Variants in ZNF385D observed in about 807,000 individuals in gnomAD.
ZNF385D encodes the protein zinc finger protein 385D, also known as zinc finger protein 659.
A neutral mutation model predicts 35.8 loss-of-function variants in ZNF385D; 15 were observed. That is an observed-to-expected ratio of 0.42 (90% confidence interval 0.28 to 0.64). The LOEUF (loss-of-function observed/expected upper bound fraction) is 0.64, where lower values mean the gene tolerates loss of function less well. Ranked by LOEUF, ZNF385D falls within the 30% of genes least tolerant of loss-of-function variation. The probability of loss-of-function intolerance (pLI) is 0.23; values close to 1 mark genes in which losing one functional copy is unlikely to be tolerated. For synonymous variants in ZNF385D, 212 were observed against 186.8 expected, an observed-to-expected ratio of 1.13 and a Z score of -1.10; for missense variants, 474 against 494.6, an observed-to-expected ratio of 0.96 and a Z score of 0.39.
At chr3:22,364,455 G>A (rs1696559883) in intron 2 of ZNF385D, among the ~76,000 whole-genome samples, 1 of 151,906 alleles carries the variant, frequency 6.6e-6, no homozygotes, top group Non-Finnish European at 1.5e-5. Context: ...ACTAAATATT[G>A]CTTTAAAGGA....
chr3:21,700,982 C>A (rs1239311246), intron 1 of ZNF385D, among the ~76,000 whole-genome samples: 1 of 152,158 alleles, frequency 6.6e-6, no homozygotes, highest in African/African-American at 2.4e-5. Context: ...TGAGGCTGTC[C>A]TGCATGGACA....
intron 3 of ZNF385D, among the ~76,000 whole-genome samples, chr3:21,550,870 A>G (rs1425061157): frequency 2.6e-5 from 4 of 152,192 alleles, no homozygotes; most frequent in African/African-American, 9.7e-5. Context: ...TCAGGCCTTC[A>G]AGCAATGTTA....
At chr3:22,079,509 A>C (rs989089302) in intron 3 of ZNF385D, among the ~76,000 whole-genome samples, 4 of 151,994 alleles carry the variant, frequency 2.6e-5, no homozygotes, top group Non-Finnish European at 4.4e-5. Context: ...AAGTGAATTA[A>C]TGGTAATTAC....
At chr3:22,089,347 ACTT>A (rs1701204263) in intron 3 of ZNF385D, among the ~76,000 whole-genome samples, 1 of 152,204 alleles carries the variant, frequency 6.6e-6, no homozygotes, top group East Asian at 1.9e-4. Flanking sequence ...CCAAATATAC[ACTT>A]CATTATTCAG....
chr3:22,027,088 G>A (rs553553765), intron 3 of ZNF385D, among the ~76,000 whole-genome samples: 8 of 152,290 alleles, frequency 5.3e-5, no homozygotes, highest in African/African-American at 1.9e-4. Flanking sequence ...CCTTCAGCTG[G>A]CAAGTGCAGC....
At chr3:22,343,065 C>T (rs934108157) in intron 2 of ZNF385D, among the ~76,000 whole-genome samples, 18 of 152,150 alleles carry the variant, frequency 1.2e-4, no homozygotes, top group South Asian at 6.2e-4. Flanking sequence ...AATGATTATA[C>T]GTTTTAACGA....
chr3:22,184,624 G>C (rs931024066), intron 2 of ZNF385D, among the ~76,000 whole-genome samples: 3 of 152,016 alleles, frequency 2.0e-5, no homozygotes, highest in Non-Finnish European at 2.9e-5. Flanking sequence ...TCAGGAATTC[G>C]AGACCAGACT....
chr3:22,069,035 A>T (rs1233106156), intron 3 of ZNF385D, among the ~76,000 whole-genome samples: 1 of 152,192 alleles, frequency 6.6e-6, no homozygotes, highest in East Asian at 1.9e-4. Flanking sequence ...CTGTCACAAG[A>T]TGGCTGCCAC....
chr3:22,339,637 C>T (rs1178305690), intron 2 of ZNF385D, among the ~76,000 whole-genome samples: 8 of 152,118 alleles, frequency 5.3e-5, no homozygotes, highest in African/African-American at 1.4e-4. Flanking sequence ...AAAAGAAAGG[C>T]GATTATCCTT....
chr3:22,173,029 T>C (rs920511388), intron 2 of ZNF385D, among the ~76,000 whole-genome samples: 9 of 152,242 alleles, frequency 5.9e-5, no homozygotes, highest in African/African-American at 1.9e-4. Flanking sequence ...GTCACATTGA[T>C]AGCAAGAATC....
intron 3 of ZNF385D, among the ~76,000 whole-genome samples, chr3:21,965,479 A>T (rs1702862040): frequency 6.8e-6 from 1 of 147,876 alleles, no homozygotes; most frequent in South Asian, 2.1e-4. Flanking sequence ...TCAGAAAAAA[A>T]ACTGAAGAAC....
chr3:22,222,082 T>G lies in ZNF385D; in HGVS notation c.107-53047A>C, dbSNP rs140652428. Among the ~76,000 whole-genome samples the G allele has an allele frequency of 3.3e-5, 5 of 152,176 alleles. No homozygotes were observed. The East Asian group carries it at 7.7e-4, about 24-fold the overall frequency. On this transcript the variant is annotated intron_variant, in intron 2 of 5. Transcript: ENST00000494108. ...ACCTCCACCTCCCAAGTTCAAGCAA[T>G]TCTCCTGCCTCACTCTCCCGAGTAG... is the stretch of plus-strand genomic sequence containing the variant.
chr3:21,600,023 C>T (rs910266827), intron 2 of ZNF385D, among the ~76,000 whole-genome samples: 2 of 152,172 alleles, frequency 1.3e-5, no homozygotes, highest in African/African-American at 4.8e-5. Context: ...CCAAGATGGC[C>T]ACGAGAATGA....
chr3:22,309,541 A>G (rs1390832113), intron 2 of ZNF385D, among the ~76,000 whole-genome samples: 1 of 152,114 alleles, frequency 6.6e-6, no homozygotes, highest in East Asian at 1.9e-4. Flanking sequence ...TAAATATATA[A>G]GAAAAGTTTC....
chr3:21,805,031 A>G (rs2072574418), intron 3 of ZNF385D, among the ~76,000 whole-genome samples: 1 of 152,208 alleles, frequency 6.6e-6, no homozygotes, highest in South Asian at 2.1e-4. Context: ...AACCAACCTG[A>G]TAATGGTGAG....
intron 2 of ZNF385D, among the ~76,000 whole-genome samples, chr3:22,209,498 T>C (rs1697376413): frequency 6.6e-6 from 1 of 151,880 alleles, no homozygotes; most frequent in African/African-American, 2.4e-5. Context: ...TTTATATTAG[T>C]GTATTTATAT....
chr3:21,475,808 G>A (rs902907368), intron 4 of ZNF385D, among the ~76,000 whole-genome samples: 2 of 151,868 alleles, frequency 1.3e-5, no homozygotes, highest in African/African-American at 4.8e-5. Context: ...TAAATTTTGA[G>A]TTTAAAGTAG....
intron 3 of ZNF385D, among the ~76,000 whole-genome samples, chr3:22,033,493 T>C (rs1200030059): frequency 6.6e-6 from 1 of 151,360 alleles, no homozygotes; most frequent in Non-Finnish European, 1.5e-5. Flanking sequence ...GGAAATCTTT[T>C]TGAAGGAAAA....
chr3:21,815,798 G>A (rs2073121651), intron 3 of ZNF385D, among the ~76,000 whole-genome samples: 1 of 152,034 alleles, frequency 6.6e-6, no homozygotes. Flanking sequence ...CCAATCAATA[G>A]AAAAAGAGGA....
Sources: gnomAD v4.1 joint callset for allele counts (sites outside exome capture counted in the v4.1 genomes callset) on GRCh38, gnomAD v4.1.1 for gene constraint, MANE v1.5 for transcripts, NCBI Gene and HGNC (gene_info 2026-07-23, HGNC 2026-07-21) for gene names.